The following LPP variants were observed in gnomAD, a reference collection of about 807,000 sequenced individuals.
The protein encoded by LPP is LIM domain containing preferred translocation partner in lipoma.
LPP carries 38 observed loss-of-function variants against 60.4 expected under a neutral mutation model. The observed-to-expected ratio is 0.63, with a 90% CI of 0.49 to 0.83. The LOEUF (loss-of-function observed/expected upper bound fraction) is 0.83, where lower values mean the gene tolerates loss of function less well. Among genes scored for constraint, LPP ranks in the 40% least tolerant of loss-of-function variants. The pLI is 0.00. For synonymous variants in LPP, 328 were observed against 290.8 expected (o/e 1.13, Z -1.30); for missense variants, 902 against 783.6 (o/e 1.15, Z -1.80).
At chr3:188,205,277 CTTT>C (rs34713244) in intron 1 of LPP, among the ~76,000 whole-genome samples, 5 of 103,414 alleles carry the variant, frequency 4.8e-5, no homozygotes, top group Non-Finnish European at 7.7e-5. Context: ...AGATTATAAT[CTTT>C]TTTTTTTTTT....
intron 3 of LPP, among the ~76,000 whole-genome samples, chr3:188,387,923 ATT>A (rs35318745): frequency 4.3e-3 from 634 of 147,470 alleles, no homozygotes; most frequent in East Asian, 4.9e-3. Context: ...TGTGAAAGGG[ATT>A]TTTTTTTTTT....
At chr3:188,808,613 C>T (rs935880542) in intron 9 of LPP, among the ~76,000 whole-genome samples, 3 of 152,212 alleles carry the variant, frequency 2.0e-5, no homozygotes, top group South Asian at 4.1e-4. Flanking sequence ...GCTGCTGTTC[C>T]GCTCCTGAAG....
intron 1 of LPP, among the ~76,000 whole-genome samples, chr3:188,188,371 G>C (rs1446841364): frequency 6.6e-6 from 1 of 152,182 alleles, no homozygotes; most frequent in Admixed American, 6.5e-5. Flanking sequence ...TGCAAAGTTG[G>C]TACTGCCTAG....
In LPP at chr3:188,527,015, C is replaced by G. The variant is rs1486539801; in HGVS notation, c.429+2228C>G. ...TCTGGAGGGGTGAGTGGAATTGTAT[C>G]GTTCGAGACAGCAGCAGGGAGTAGC... is the stretch of plus-strand genomic sequence containing the variant. On this transcript the variant is annotated intron_variant, in intron 6 of 11. Coordinates refer to ENST00000617246, the MANE Select transcript of LPP (RefSeq NM_001375462.1). Among the ~76,000 whole-genome samples the G allele has an allele frequency of 3.3e-5, 5 of 151,998 alleles. No individual in the cohort carries two copies. In the East Asian group the frequency reaches 9.7e-4, roughly 29 times the overall value.
intron 9 of LPP, among the ~76,000 whole-genome samples, chr3:188,804,680 A>G (rs1215659302): frequency 1.3e-5 from 2 of 152,020 alleles, no homozygotes; most frequent in African/African-American, 4.8e-5. Context: ...ATTTGAAGTC[A>G]TGCCTTTTCT....
Position 188,266,876 on chromosome 3 carries a change from G to A in LPP, c.-67+41349G>A, listed in dbSNP as rs965593716. Among the ~76,000 whole-genome samples, 11 of 152,226 alleles carry A rather than the reference G, an allele frequency of 7.2e-5. No individual in the cohort carries two copies. The East Asian group carries it at 1.5e-3, about 21-fold the overall frequency. ...TCCTCCCGGCCCTTTCACCAAACCCGTCTAGAGCTGGTATGGATCTACTTG... is the reference window on the plus strand; with the variant it reads ...TCCTCCCGGCCCTTTCACCAAACCCATCTAGAGCTGGTATGGATCTACTTG... On this transcript the variant is annotated intron_variant, in intron 2 of 11. Coordinates refer to ENST00000617246, the MANE Select transcript of LPP (RefSeq NM_001375462.1).
intron 7 of LPP, among the ~76,000 whole-genome samples, chr3:188,625,343 A>G (rs537363645): frequency 7.9e-5 from 12 of 152,292 alleles, no homozygotes; most frequent in African/African-American, 2.9e-4. Flanking sequence ...AAAATCCATA[A>G]AACCTCTGGT....
intron 2 of LPP, among the ~76,000 whole-genome samples, chr3:188,266,253 C>T (rs995104721): frequency 6.6e-6 from 1 of 152,152 alleles, no homozygotes; most frequent in African/African-American, 2.4e-5. Flanking sequence ...ACATTAGTCA[C>T]ATATCCCAGA....
At chr3:188,705,673 A>C (rs1191334515) in intron 7 of LPP, among the ~76,000 whole-genome samples, 1 of 151,864 alleles carries the variant, frequency 6.6e-6, no homozygotes, top group South Asian at 2.1e-4. Flanking sequence ...CCAAGGTTGG[A>C]ATGCAGTGGC....
intron 4 of LPP, among the ~76,000 whole-genome samples, chr3:188,423,873 A>T (rs953305976): frequency 1.6e-4 from 24 of 147,780 alleles, no homozygotes; most frequent in African/African-American, 5.3e-4. Flanking sequence ...AGATGGATAG[A>T]TTGCACGCTT....
chr3:188,701,980 C>T (rs1360903151), intron 7 of LPP, among the ~76,000 whole-genome samples: 7 of 118,808 alleles, frequency 5.9e-5, no homozygotes, highest in African/African-American at 1.9e-4. Context: ...GACAGAGTCT[C>T]GCTCTGTCGC....
intron 8 of LPP, among the ~76,000 whole-genome samples, chr3:188,752,237 T>A (rs1728332711): frequency 6.6e-6 from 1 of 152,250 alleles, no homozygotes; most frequent in East Asian, 1.9e-4. Context: ...TGACAGCAAA[T>A]AGAAACTCAC....
At chr3:188,164,578 C>A (rs555184449) in intron 1 of LPP, among the ~76,000 whole-genome samples, 10 of 152,310 alleles carry the variant, frequency 6.6e-5, no homozygotes, top group African/African-American at 2.2e-4. Flanking sequence ...TTGCCACCCA[C>A]AGGGCTGGGT....
intron 10 of LPP, among the ~76,000 whole-genome samples, chr3:188,869,713 T>C (rs1767591426): frequency 6.6e-6 from 1 of 152,208 alleles, no homozygotes; most frequent in Admixed American, 6.5e-5. Context: ...TGGATTTCTG[T>C]CAAGCTCCCA....
At chr3:188,767,065 A>G (rs1199469482) in intron 9 of LPP, among the ~76,000 whole-genome samples, 2 of 152,218 alleles carry the variant, frequency 1.3e-5, no homozygotes, top group Non-Finnish European at 2.9e-5. Flanking sequence ...TGCTTTCTGA[A>G]GGTTGATTCA....
chr3:188,163,599 A>G (rs372580303), intron 1 of LPP, among the ~76,000 whole-genome samples: 1 of 152,080 alleles, frequency 6.6e-6, no homozygotes, highest in East Asian at 1.9e-4. Context: ...GCAAGGACTC[A>G]ACAAACATCC....
chr3:188,495,064 TTATATATA>T (rs1192152538), intron 5 of LPP, among the ~76,000 whole-genome samples: 1 of 53,880 alleles, frequency 1.9e-5, no homozygotes, highest in Non-Finnish European at 3.3e-5. Flanking sequence ...GTTCAGGATT[TTATATATA>T]TATATATATA....
At chr3:188,371,247 T>C (rs1389737601) in intron 3 of LPP, among the ~76,000 whole-genome samples, 1 of 152,050 alleles carries the variant, frequency 6.6e-6, no homozygotes, top group Non-Finnish European at 1.5e-5. Context: ...AATGACCCAC[T>C]ATGGGGGTCA....
intron 4 of LPP, among the ~76,000 whole-genome samples, chr3:188,464,366 T>A (rs1579102444): frequency 6.6e-6 from 1 of 152,172 alleles, no homozygotes; most frequent in African/African-American, 2.4e-5. Context: ...AAAACATTTG[T>A]AAAAATTAGT....
Sources: gnomAD v4.1 joint callset for allele counts (sites outside exome capture counted in the v4.1 genomes callset) on GRCh38, gnomAD v4.1.1 for gene constraint, MANE v1.5 for transcripts, NCBI Gene and HGNC (gene_info 2026-07-23, HGNC 2026-07-21) for gene names.